RARA: variants seen among roughly 807,000 people sequenced by gnomAD.
RARA encodes PML-DDX5-RARA fusion.
Under a neutral mutation model 42.8 loss-of-function variants are expected in RARA, and 5 were observed. That is an observed-to-expected ratio of 0.12 (90% CI 0.06 to 0.25). The LOEUF is 0.25. Among genes scored for constraint, RARA ranks in the 10% least tolerant of loss-of-function variants. The pLI is 1.00. For synonymous variants in RARA, 256 were observed against 259.5 expected (o/e 0.99, Z 0.13); for missense variants, 402 against 628.7 (o/e 0.64, Z 3.86).
At position 40,356,454 on chromosome 17, in the gene RARA, G is replaced by A. The variant is rs1041061563; in HGVS notation, c.*228G>A. 6 of 706,328 alleles carry A rather than the reference G, an allele frequency of 8.5e-6. No individual in the cohort carries two copies. The highest frequency in any genetic ancestry group is 7.0e-5 in the African/African-American group (4 of 57,324). 43.8% of individuals were successfully genotyped at this position (706,328 alleles called of 1,614,324 possible). A position where few individuals can be genotyped will look rare whatever the true frequency, so the allele number is the denominator to read the frequency against. On this transcript the variant is annotated 3_prime_UTR_variant, in exon 9 of 9. Transcript: ENST00000254066. ...GCCTGGGCTGACGTCAGAGGCCGAG[G>A]CCAGGAACTGAGTGAGGCCCCTGGT... is the stretch of plus-strand genomic sequence containing the variant.
At chr17:40,341,372 C>T (rs2034029362) in intron 2 of RARA, 4 of 1,447,556 alleles carry the variant, frequency 2.8e-6, no homozygotes, top group Non-Finnish European at 3.7e-6. Context: ...CGTCGGGTTC[C>T]GGCGGCCGGA....
rs1230169981 is a variant in RARA, at chr17:40,351,373, C to T, written c.470-537C>T. 1.2e-5 allele frequency: 5 copies of T among 418,612 alleles called. No individual in the cohort carries two copies. In the Middle Eastern group the frequency reaches 1.0e-3, roughly 88 times the overall value. 25.9% of individuals were successfully genotyped at this position (418,612 alleles called of 1,614,324 possible). A position where few individuals can be genotyped will look rare whatever the true frequency, so the allele number is the denominator to read the frequency against. ...GCCGAGTGGTGTGTGCGGCTCAGCGCCCCTGGTGATTTGTCAGCTCCCCAG... is the reference window on the plus strand; with the variant it reads ...GCCGAGTGGTGTGTGCGGCTCAGCGTCCCTGGTGATTTGTCAGCTCCCCAG... On this transcript the variant is annotated intron_variant, in intron 4 of 8. Transcript: ENST00000254066. This position sits in a 1 kb window ranked among gnomAD's most constrained non-coding sequence, Gnocchi z 4.1.
At position 40,355,728 on chromosome 17, in the gene RARA, C is replaced by G. The variant is rs578120184; in HGVS notation, c.1172-281C>G. On this transcript the variant is annotated intron_variant, in intron 8 of 8. Transcript: ENST00000254066. The surrounding 1 kb of genome is among the most constrained non-coding windows in gnomAD (Gnocchi z 4.1). The stretch of plus-strand genomic sequence containing the variant: ...ATAACATTCGTGTTTACAGAGGGGT[C>G]GGGATGATCCCTAGCACACAGCACA... Among the ~76,000 whole-genome samples, 7 of 152,304 alleles carry G rather than the reference C, an allele frequency of 4.6e-5. No individual in the cohort carries two copies. Among genetic ancestry groups the G allele is most frequent in the East Asian group, 3.9e-4 (2 of 5,182 alleles).
chr17:40,349,674 C>T (rs1014076880), intron 3 of RARA, 110 bp from the exon 4 acceptor site: 24 of 1,426,338 alleles, frequency 1.7e-5, no homozygotes, highest in Middle Eastern at 2.3e-4. Flanking sequence ...GATGGGCAAA[C>T]GCTTGGGGGC....
chr17:40,351,469 C>T lies in RARA; in HGVS notation c.470-441C>T, dbSNP rs773956941. On this transcript the variant is annotated intron_variant, in intron 4 of 8. Coordinates refer to ENST00000254066, the MANE Select transcript of RARA (RefSeq NM_000964.4). This position sits in a 1 kb window ranked among gnomAD's most constrained non-coding sequence, Gnocchi z 4.1. The stretch of plus-strand genomic sequence containing the variant: ...CTGGGGAGCCCTACTCCCCACTTGC[C>T]CCAGGAGCTGCTCAGAGCCAGTCCC... The T allele has an allele frequency of 8.5e-6, 4 of 472,942 alleles. No homozygotes were observed. Among genetic ancestry groups the T allele is most frequent in the South Asian group, 4.7e-5 (3 of 64,506 alleles). The allele number at this position is 472,942 out of a possible 1,614,324, so 29.3% of individuals were successfully genotyped here.
chr17:40,355,275 T>C lies in RARA; in HGVS notation c.1025T>C (p.Leu342Pro). 2 of 1,580,814 alleles carry C rather than the reference T, an allele frequency of 1.3e-6. No individual in the cohort carries two copies. Among genetic ancestry groups the C allele is most frequent in the Non-Finnish European group, 1.7e-6 (2 of 1,162,892 alleles). Residue 342 changes from leucine to proline, a missense_variant, in exon 8 of 9, where the codon CTG (leucine) becomes CCG (proline). Leu to Pro is a moderately conservative substitution (Grantham distance 98). This residue lies in a region of RARA where 104 missense variants were observed against 160.1 expected (regional missense o/e 0.65). Coordinates refer to ENST00000254066, the MANE Select transcript of RARA (RefSeq NM_000964.4). The surrounding 1 kb of genome is among the most constrained non-coding windows in gnomAD (Gnocchi z 4.1). ...TCTGCTTCCTCAGACCGCCAGGACC[T>C]GGAGCAGCCGGACCGGGTGGACATG... is the stretch of plus-strand genomic sequence containing the variant. Reference protein sequence around the residue: ...ICLICGDRQDLEQPDRVDMLQ... With the variant: ...ICLICGDRQDPEQPDRVDMLQ...
chr17:40,322,658 G>C (rs929534085), intron 1 of RARA, among the ~76,000 whole-genome samples: 2 of 151,926 alleles, frequency 1.3e-5, no homozygotes, highest in Non-Finnish European at 2.9e-5. Flanking sequence ...CCCAGGAATC[G>C]AGACTTGAGA....
Position 40,352,117 on chromosome 17 carries a change from AG to A in RARA, c.630+50del. On this transcript the variant is annotated intron_variant, in intron 5 of 8. Coordinates refer to ENST00000254066, the MANE Select transcript of RARA (RefSeq NM_000964.4). This position sits in a 1 kb window ranked among gnomAD's most constrained non-coding sequence, Gnocchi z 4.9. ...CAGGGTGGGATTTGCCCAGGGCCAC[AG>A]GGCCAGGATGGGCCCCTCTCAGGCA... 6.7e-7 allele frequency: 1 copy of A among 1,503,404 alleles called. No individual in the cohort carries two copies. The allele number at this position is 1,503,404 out of a possible 1,614,324, so 93.1% of individuals were successfully genotyped here.
intron 2 of RARA, chr17:40,342,584 A>C: frequency 1.4e-6 from 2 of 1,393,742 alleles, no homozygotes; most frequent in South Asian, 1.5e-5. Flanking sequence ...CCGGGTCACC[A>C]GTCGGGGCGA....
At chr17:40,347,971 C>A in intron 2 of RARA, 1 of 209,812 alleles carries the variant, frequency 4.8e-6, no homozygotes, top group Non-Finnish European at 9.5e-6. Flanking sequence ...GAGAACGGGG[C>A]CAGGCCGCCC....
At chr17:40,337,975 C>A (rs1007115024) in intron 2 of RARA, among the ~76,000 whole-genome samples, 1 of 152,152 alleles carries the variant, frequency 6.6e-6, no homozygotes, top group African/African-American at 2.4e-5. Context: ...TCTTGGAGTC[C>A]GAAATGTAGA....
chr17:40,316,828 C>T (rs1164055787), intron 1 of RARA, among the ~76,000 whole-genome samples: 1 of 132,162 alleles, frequency 7.6e-6, no homozygotes, highest in Non-Finnish European at 1.6e-5. Flanking sequence ...AGGGGCTGGG[C>T]GGGAGGTTCG....
At chr17:40,340,955 A>T (rs907779982) in intron 2 of RARA, 7 of 400,210 alleles carry the variant, frequency 1.7e-5, no homozygotes. Flanking sequence ...TTTGTAAAAC[A>T]TCTCTTGGAG....
At chr17:40,353,606 G>A (rs1268656283) in intron 6 of RARA, among the ~76,000 whole-genome samples, 5 of 152,078 alleles carry the variant, frequency 3.3e-5, no homozygotes, top group African/African-American at 1.2e-4. Flanking sequence ...ACAGGCACCC[G>A]CCACCACACC....
chr17:40,309,288 T>C lies in RARA; in HGVS notation c.-363+2T>C, dbSNP rs879462990. The C allele has an allele frequency of 3.9e-5, 6 of 152,508 alleles. No homozygotes were observed. Among genetic ancestry groups the C allele is most frequent in the Non-Finnish European group, 7.3e-5 (5 of 68,246 alleles). The allele number at this position is 152,508 out of a possible 1,614,324, so 9.4% of individuals were successfully genotyped here. On this transcript the variant is annotated splice_donor_variant, in intron 1 of 8. Coordinates refer to ENST00000254066, the MANE Select transcript of RARA (RefSeq NM_000964.4). LOFTEE classifies it low-confidence loss of function (5UTR_SPLICE). ...CCCTGCCAGCACACACCTGAGCAGG[T>C]AGGACCATGCACACCCCTTCCCAAT...
rs906213466 is a variant in RARA, at chr17:40,357,374, C to T, written c.*1148C>T. ...CACACACACTGGACAGTAGATGGGC[C>T]GACACACACTTGGCCCGAGTTCCTC... is the stretch of plus-strand genomic sequence containing the variant. On this transcript the variant is annotated 3_prime_UTR_variant, in exon 9 of 9. Coordinates refer to ENST00000254066, the MANE Select transcript of RARA (RefSeq NM_000964.4). The T allele has an allele frequency of 9.8e-5, 23 of 233,860 alleles. No homozygotes were observed. Among genetic ancestry groups the T allele is most frequent in the Non-Finnish European group, 1.4e-4 (17 of 118,542 alleles). 14.5% of individuals were successfully genotyped at this position (233,860 alleles called of 1,614,324 possible).
chr17:40,325,283 A>G (rs1232216874), intron 1 of RARA, among the ~76,000 whole-genome samples: 1 of 151,214 alleles, frequency 6.6e-6, no homozygotes, highest in Non-Finnish European at 1.5e-5. Flanking sequence ...AAATAAATAA[A>G]TAAATAAATA....
chr17:40,348,146 C>A, intron 2 of RARA, 170 bp from the exon 3 acceptor site: 1 of 758,012 alleles, frequency 1.3e-6, no homozygotes. Flanking sequence ...TCATTGGCAG[C>A]CTCCTGCCCT....
At chr17:40,319,921 T>TG (rs1216912738) in intron 1 of RARA, among the ~76,000 whole-genome samples, 1 of 150,512 alleles carries the variant, frequency 6.6e-6, no homozygotes, top group Non-Finnish European at 1.5e-5. Context: ...TAAGAGGGGG[T>TG]GGTTGTGGAG....
Sources: allele counts gnomAD v4.1 joint callset (sites outside exome capture counted in the v4.1 genomes callset), GRCh38; gene constraint gnomAD v4.1.1; regional missense constraint gnomAD v4.1.1; non-coding constraint Gnocchi (gnomAD v3.1); transcripts MANE v1.5; gene names NCBI Gene and HGNC (gene_info 2026-07-23, HGNC 2026-07-21).